The following ANKIB1 variants were observed in gnomAD, a reference collection of about 807,000 sequenced individuals.
ANKIB1 encodes ankyrin repeat and IBR domain-containing protein 1.
ANKIB1 carries 43 observed loss-of-function variants against 122.1 expected under a neutral mutation model. The observed-to-expected ratio is 0.35, with a 90% CI of 0.28 to 0.45. The LOEUF (loss-of-function observed/expected upper bound fraction) is 0.45. ANKIB1 is among the 20% of genes least tolerant of loss of function. The pLI is 1.00. For missense variants in ANKIB1, 992 were observed against 1,329.5 expected (o/e 0.75, Z 3.95); for synonymous variants, 390 against 442.0 (o/e 0.88, Z 1.48).
intron 10 of ANKIB1, among the ~76,000 whole-genome samples, chr7:92,370,372 G>A (rs1159312730): frequency 2.0e-5 from 3 of 151,672 alleles, no homozygotes; most frequent in African/African-American, 7.3e-5. Context: ...GCCAGGCGTG[G>A]TGGCAGGCGC....
chr7:92,281,733 A>G (rs1200683003), intron 1 of ANKIB1, among the ~76,000 whole-genome samples: 3 of 152,234 alleles, frequency 2.0e-5, no homozygotes, highest in African/African-American at 7.2e-5. Context: ...GGAAGACTCA[A>G]TGACTTTGAA....
chr7:92,323,803 G>A (rs887867847), intron 4 of ANKIB1, among the ~76,000 whole-genome samples: 1 of 152,148 alleles, frequency 6.6e-6, no homozygotes, highest in African/African-American at 2.4e-5. Context: ...TATATAATAT[G>A]GATCAACCTC....
intron 2 of ANKIB1, among the ~76,000 whole-genome samples, chr7:92,295,697 C>T (rs559422186): frequency 6.6e-6 from 1 of 152,200 alleles, no homozygotes; most frequent in East Asian, 1.9e-4. Context: ...GATTCAGTTA[C>T]TTGAAAAGAT....
chr7:92,331,392 C>G (rs537784315), intron 5 of ANKIB1, among the ~76,000 whole-genome samples: 3 of 151,800 alleles, frequency 2.0e-5, no homozygotes, highest in Non-Finnish European at 4.4e-5. Context: ...CTCAGCCTCC[C>G]GAGTAGCTGG....
chr7:92,323,929 A>G (rs544423446), intron 4 of ANKIB1, among the ~76,000 whole-genome samples: 1 of 152,354 alleles, frequency 6.6e-6, no homozygotes, highest in South Asian at 2.1e-4. Flanking sequence ...CATATGCTGG[A>G]CATTGCCTTA....
chr7:92,388,117 C>T, intron 14 of ANKIB1, 76 bp downstream of exon 14: 1 of 1,322,244 alleles, frequency 7.6e-7, no homozygotes, highest in South Asian at 1.3e-5. Context: ...GTAGGTTAGG[C>T]CCTGAAAGGA....
chr7:92,307,727 T>G, intron 3 of ANKIB1, 71 bp downstream of exon 3: 2 of 1,249,406 alleles, frequency 1.6e-6, no homozygotes, highest in South Asian at 4.6e-5. Flanking sequence ...CTGTCAGGTT[T>G]TTTTTTTTTT....
intron 5 of ANKIB1, among the ~76,000 whole-genome samples, chr7:92,339,307 G>T (rs551094295): frequency 6.6e-6 from 1 of 151,934 alleles, no homozygotes; most frequent in Admixed American, 6.6e-5. Flanking sequence ...CTCCCAAAGT[G>T]CTGGGATTAC....
At chr7:92,342,737 T>C (rs1400195555) in intron 5 of ANKIB1, among the ~76,000 whole-genome samples, 2 of 152,168 alleles carry the variant, frequency 1.3e-5, no homozygotes, top group Non-Finnish European at 2.9e-5. Context: ...CCAAGAGTGA[T>C]TTGTGAGTGA....
chr7:92,387,240 C>G (rs1005827683), intron 12 of ANKIB1, among the ~76,000 whole-genome samples: 1 of 152,150 alleles, frequency 6.6e-6, no homozygotes, highest in Non-Finnish European at 1.5e-5. Flanking sequence ...CACCTTCTCA[C>G]AGGTCCTGTC....
chr7:92,379,329 T>C (rs935469517), intron 11 of ANKIB1, among the ~76,000 whole-genome samples: 1 of 152,160 alleles, frequency 6.6e-6, no homozygotes, highest in African/African-American at 2.4e-5. Context: ...GAGGCAGAGC[T>C]TGCAGTGAGC....
At chr7:92,279,387 T>G (rs184909706) in intron 1 of ANKIB1, among the ~76,000 whole-genome samples, 72 of 152,308 alleles carry the variant, frequency 4.7e-4, no homozygotes, top group Non-Finnish European at 7.4e-4. Flanking sequence ...AATCACAAAT[T>G]AAGAATGCAA....
intron 3 of ANKIB1, among the ~76,000 whole-genome samples, chr7:92,308,442 T>G (rs1178799673): frequency 2.0e-5 from 3 of 152,114 alleles, no homozygotes; most frequent in Non-Finnish European, 2.9e-5. Flanking sequence ...GACCTATAGT[T>G]TATGTAGAAT....
At chr7:92,257,652 C>T (rs1801475445) in intron 1 of ANKIB1, among the ~76,000 whole-genome samples, 1 of 152,174 alleles carries the variant, frequency 6.6e-6, no homozygotes, top group African/African-American at 2.4e-5. Flanking sequence ...ATAAGCTGAG[C>T]ATGGTGGCAC....
At chr7:92,262,041 G>T (rs943089958) in intron 1 of ANKIB1, among the ~76,000 whole-genome samples, 4 of 152,142 alleles carry the variant, frequency 2.6e-5, no homozygotes, top group African/African-American at 9.7e-5. Flanking sequence ...AAGATATACG[G>T]AAAATAAGTG....
At position 92,309,035 on chromosome 7, in the gene ANKIB1, T is replaced by C. The variant is rs1014774791; in HGVS notation, c.486+1379T>C. Among the ~76,000 whole-genome samples, 5 of 152,220 alleles carry C rather than the reference T, an allele frequency of 3.3e-5. No homozygotes were observed. The East Asian group carries it at 5.8e-4, about 18-fold the overall frequency. ...ATGTTCATTTTCTTATATTAAAAGA[T>C]TACCATCACTTATATTATTTCTTCA... is the stretch of plus-strand genomic sequence containing the variant. On this transcript the variant is annotated intron_variant, in intron 3 of 19. Coordinates refer to ENST00000265742, the MANE Select transcript of ANKIB1 (RefSeq NM_019004.2).
intron 2 of ANKIB1, among the ~76,000 whole-genome samples, chr7:92,298,839 T>C (rs1038172586): frequency 6.0e-5 from 9 of 151,076 alleles, no homozygotes; most frequent in Admixed American, 2.0e-4. Flanking sequence ...TTAATTTTAA[T>C]TAATCTCCAC....
chr7:92,386,675 T>C (rs765826276), intron 12 of ANKIB1, 32 bp downstream of exon 12: 2 of 1,506,494 alleles, frequency 1.3e-6, no homozygotes, highest in Non-Finnish European at 8.9e-7. Context: ...AAGACATCTC[T>C]CTAAACCGCT....
chr7:92,332,316 G>A (rs529744877), intron 5 of ANKIB1, among the ~76,000 whole-genome samples: 2 of 152,296 alleles, frequency 1.3e-5, no homozygotes, highest in Admixed American at 1.3e-4. Context: ...GTGTTTTAGA[G>A]CTATTAAACT....
Sources: allele counts gnomAD v4.1 joint callset (sites outside exome capture counted in the v4.1 genomes callset), GRCh38; gene constraint gnomAD v4.1.1; transcripts MANE v1.5; gene names NCBI Gene and HGNC (gene_info 2026-07-23, HGNC 2026-07-21).